The following TULP4 variants were observed in gnomAD, a reference collection of about 807,000 sequenced individuals.
The protein encoded by TULP4 is TUB like protein 4.
In TULP4, 16 loss-of-function variants were observed where a neutral mutation model predicts 129.0. That is an observed-to-expected ratio of 0.12 (90% CI 0.08 to 0.19). The LOEUF is 0.19. Ranked by LOEUF, TULP4 falls within the 10% of genes least tolerant of loss-of-function variation. TULP4 has a pLI of 1.00. For missense variants in TULP4, 1,842 were observed against 2,059.1 expected (o/e 0.89, Z 2.04); for synonymous variants, 998 against 854.0 (o/e 1.17, Z -2.94).
intron 2 of TULP4, among the ~76,000 whole-genome samples, chr6:158,424,108 A>G (rs1778419316): frequency 6.6e-6 from 1 of 152,228 alleles, no homozygotes; most frequent in African/African-American, 2.4e-5. Context: ...TTTTTAAAAT[A>G]TATTTGCCCG....
upstream of TULP4, among the ~76,000 whole-genome samples, chr6:158,311,813 A>C (rs932724385): frequency 6.6e-6 from 1 of 152,160 alleles, no homozygotes; most frequent in Non-Finnish European, 1.5e-5. Flanking sequence ...CCAGCTGCTG[A>C]CAAATTGAAT....
chr6:158,410,123 G>T (rs1415195557), intron 1 of TULP4, among the ~76,000 whole-genome samples: 10 of 152,122 alleles, frequency 6.6e-5, no homozygotes, highest in Non-Finnish European at 1.5e-4. Context: ...CAAAGTGCTG[G>T]GATTACAGGC....
chr6:158,315,747 G>A (rs953926305), intron 1 of TULP4, among the ~76,000 whole-genome samples: 1 of 152,214 alleles, frequency 6.6e-6, no homozygotes, highest in East Asian at 1.9e-4. Flanking sequence ...AGCAGTTTCA[G>A]TGTCTGGTGA....
chr6:158,468,510 T>G (rs997424665), intron 6 of TULP4, among the ~76,000 whole-genome samples: 5 of 152,238 alleles, frequency 3.3e-5, no homozygotes, highest in African/African-American at 1.2e-4. Flanking sequence ...TATTATCTCT[T>G]GGTTTCTTTA....
At chr6:158,247,206 T>C (rs1412464830) in intron 1 of TULP4, among the ~76,000 whole-genome samples, 9 of 152,180 alleles carry the variant, frequency 5.9e-5, no homozygotes, top group African/African-American at 2.2e-4. Context: ...TGTATCCCAG[T>C]TTGTAATGGG....
intron 1 of TULP4, among the ~76,000 whole-genome samples, chr6:158,375,426 T>C (rs1321938133): frequency 6.6e-6 from 1 of 152,160 alleles, no homozygotes; most frequent in Non-Finnish European, 1.5e-5. Context: ...CCCTCAGTGA[T>C]GGAGTGGTTT....
chr6:158,447,490 A>G (rs1224319268), intron 3 of TULP4, among the ~76,000 whole-genome samples: 1 of 152,242 alleles, frequency 6.6e-6, no homozygotes, highest in Non-Finnish European at 1.5e-5. Context: ...TTATTCTAAA[A>G]TAACTGAATT....
chr6:158,325,500 C>G (rs987074159), intron 1 of TULP4, among the ~76,000 whole-genome samples: 4 of 151,900 alleles, frequency 2.6e-5, no homozygotes, highest in Non-Finnish European at 4.4e-5. Context: ...CTACAGGCAC[C>G]TATCACCACG....
rs183436108 is a variant in TULP4, at chr6:158,491,652, C to T, written c.1631+1920C>T. Among the ~76,000 whole-genome samples the T allele has an allele frequency of 1.9e-3, 281 of 151,174 alleles. 1 individual carries two copies. The highest frequency in any genetic ancestry group is 3.0e-3 in the Non-Finnish European group (205 of 67,836). ...GGACTACAGGCTTGTGCCACATGACCGGCTAATTTTTTGTATTTTTAGTAG... is the reference window on the plus strand; with the variant it reads ...GGACTACAGGCTTGTGCCACATGACTGGCTAATTTTTTGTATTTTTAGTAG... On this transcript the variant is annotated intron_variant, in intron 9 of 13. Coordinates refer to ENST00000367097, the MANE Select transcript of TULP4 (RefSeq NM_020245.5).
intron 6 of TULP4, among the ~76,000 whole-genome samples, chr6:158,476,019 A>G (rs1320079191): frequency 1.3e-5 from 2 of 152,166 alleles, no homozygotes; most frequent in Non-Finnish European, 2.9e-5. Context: ...CATCACAGTC[A>G]TTCATTTCCC....
intron 1 of TULP4, among the ~76,000 whole-genome samples, chr6:158,398,307 A>T (rs531612383): frequency 2.0e-5 from 3 of 152,334 alleles, no homozygotes; most frequent in African/African-American, 7.2e-5. Flanking sequence ...CCTAGTACAT[A>T]CAAGGTGTGG....
intron 1 of TULP4, among the ~76,000 whole-genome samples, chr6:158,273,381 A>G (rs1202415667): frequency 1.3e-5 from 2 of 152,018 alleles, no homozygotes; most frequent in Non-Finnish European, 2.9e-5. Flanking sequence ...TCACCACTAG[A>G]GCCTTTCCTC....
At chr6:158,366,380 G>C (rs192247884) in intron 1 of TULP4, among the ~76,000 whole-genome samples, 1 of 152,310 alleles carries the variant, frequency 6.6e-6, no homozygotes, top group Admixed American at 6.5e-5. Flanking sequence ...TCAGGCTCCT[G>C]CCCTTCTCAG....
chr6:158,408,522 G>A (rs776032735), intron 1 of TULP4, among the ~76,000 whole-genome samples: 6 of 152,174 alleles, frequency 3.9e-5, no homozygotes, highest in Non-Finnish European at 5.9e-5. Context: ...GCCCCGGTCT[G>A]AGGTCCTTTC....
chr6:158,481,171 G>T lies in TULP4; in HGVS notation c.1368G>T (p.Pro456=). 1.2e-6 allele frequency: 2 copies of T among 1,614,220 alleles called. No homozygotes were observed. Among genetic ancestry groups the T allele is most frequent in the South Asian group, 2.2e-5 (2 of 91,082 alleles). The part of the protein sequence containing the change: ...RTEDDPEVGG[P]CYTLYLEYLG... ...AGGACGACCCGGAGGTGGGCGGCCC[G>T]TGCTACACGCTCTACCTGGAGTACC... is the stretch of plus-strand genomic sequence containing the variant. The change falls in exon 8 of 14, where the codon CCG becomes CCT. Residue 456 remains proline (P), a synonymous_variant. Coordinates refer to ENST00000367097, the MANE Select transcript of TULP4 (RefSeq NM_020245.5).
At chr6:158,423,128 G>C (rs539355198) in intron 2 of TULP4, among the ~76,000 whole-genome samples, 2 of 151,254 alleles carry the variant, frequency 1.3e-5, no homozygotes, top group African/African-American at 4.9e-5. Flanking sequence ...AAAGAGGGGG[G>C]GGGGGGGAAA....
chr6:158,232,905 C>G (rs117183733), intron 1 of TULP4, among the ~76,000 whole-genome samples: 2 of 152,230 alleles, frequency 1.3e-5, no homozygotes, highest in Non-Finnish European at 2.9e-5. Context: ...ATGGAAATCC[C>G]GGCGCTTCTG....
intron 8 of TULP4, among the ~76,000 whole-genome samples, chr6:158,482,030 G>A (rs184606644): frequency 2.6e-5 from 4 of 152,300 alleles, no homozygotes; most frequent in African/African-American, 9.6e-5. Context: ...ATGGCAGAAC[G>A]AACAGCACGC....
At chr6:158,253,076 G>A (rs1240938116) in intron 1 of TULP4, among the ~76,000 whole-genome samples, 1 of 152,212 alleles carries the variant, frequency 6.6e-6, no homozygotes, top group African/African-American at 2.4e-5. Flanking sequence ...AATCCCATGC[G>A]AATTGTCAGT....
Sources: gnomAD v4.1 joint callset for allele counts (sites outside exome capture counted in the v4.1 genomes callset) on GRCh38, gnomAD v4.1.1 for gene constraint, MANE v1.5 for transcripts, NCBI Gene and HGNC (gene_info 2026-07-23, HGNC 2026-07-21) for gene names.